The following DNAJC13 variants were observed in gnomAD, a reference collection of about 807,000 sequenced individuals.
DNAJC13 encodes the protein DnaJ heat shock protein family (Hsp40) member C13.
A neutral mutation model predicts 290.5 loss-of-function variants in DNAJC13; 75 were observed. The observed-to-expected ratio is 0.26, with a 90% CI of 0.21 to 0.31. DNAJC13 has a LOEUF of 0.31. Ranked by LOEUF, DNAJC13 falls within the 10% of genes least tolerant of loss-of-function variation. The pLI is 1.00. For missense variants in DNAJC13, 2,260 were observed against 2,674.5 expected (o/e 0.85, Z 3.42); for synonymous variants, 862 against 892.0 (o/e 0.97, Z 0.60).
intron 20 of DNAJC13, among the ~76,000 whole-genome samples, chr3:132,467,640 T>C (rs1274752132): frequency 1.3e-5 from 2 of 151,966 alleles, no homozygotes; most frequent in Non-Finnish European, 1.5e-5. Flanking sequence ...TAATTTTTTG[T>C]ATTTTTAGTA....
At chr3:132,498,398 C>T (rs1300035465) in intron 36 of DNAJC13, among the ~76,000 whole-genome samples, 1 of 152,038 alleles carries the variant, frequency 6.6e-6, no homozygotes, top group Non-Finnish European at 1.5e-5. Flanking sequence ...TAAAGATGTG[C>T]ATATAATTGA....
At chr3:132,417,802 A>C (rs1188936952) in intron 1 of DNAJC13, 42 bp downstream of exon 1, 1 of 152,536 alleles carries the variant, frequency 6.6e-6, no homozygotes, top group Non-Finnish European at 1.5e-5. Context: ...GCTCTGCCTT[A>C]CTCCCTTCCC....
chr3:132,535,019 C>T (rs1173908995), intron 55 of DNAJC13, among the ~76,000 whole-genome samples: 8 of 152,202 alleles, frequency 5.3e-5, no homozygotes, highest in Non-Finnish European at 8.8e-5. Context: ...TACTCCCAAA[C>T]TTCAGAAGAT....
chr3:132,478,276 C>G, intron 24 of DNAJC13, 136 bp downstream of exon 24: 1 of 734,662 alleles, frequency 1.4e-6, no homozygotes, highest in Non-Finnish European at 2.0e-6. Context: ...GTAATTTATA[C>G]TTATTTAAAT....
At chr3:132,511,705 C>T (rs1935783365) in intron 44 of DNAJC13, among the ~76,000 whole-genome samples, 1 of 152,024 alleles carries the variant, frequency 6.6e-6, no homozygotes, top group Non-Finnish European at 1.5e-5. Context: ...TATGAGAGTT[C>T]CTACTCTTAA....
At chr3:132,491,072 T>C (rs775257463) in intron 32 of DNAJC13, 21 bp downstream of exon 32, 4 of 1,566,166 alleles carry the variant, frequency 2.6e-6, no homozygotes, top group Non-Finnish European at 3.4e-6. Flanking sequence ...AGTTGACTGA[T>C]TGATTTGTAT....
intron 55 of DNAJC13, among the ~76,000 whole-genome samples, chr3:132,531,554 T>G (rs1936414421): frequency 6.6e-6 from 1 of 152,182 alleles, no homozygotes. Flanking sequence ...TCCCAGCACT[T>G]TGGGAAGCTG....
chr3:132,453,963 C>T, intron 8 of DNAJC13, 103 bp from the exon 9 acceptor site: 1 of 947,648 alleles, frequency 1.1e-6, no homozygotes, highest in Non-Finnish European at 1.6e-6. Context: ...CAAGTCACAT[C>T]TTAAAATACT....
At chr3:132,501,783 A>G (rs1424733341) in intron 39 of DNAJC13, among the ~76,000 whole-genome samples, 1 of 152,158 alleles carries the variant, frequency 6.6e-6, no homozygotes, top group Non-Finnish European at 1.5e-5. Flanking sequence ...AATTGTCTTG[A>G]ATAAAACAGG....
chr3:132,479,404 AGACAGAAAGTTCTG>A (rs1934592039), intron 25 of DNAJC13, 115 bp downstream of exon 25: 1 of 715,798 alleles, frequency 1.4e-6, no homozygotes, highest in Admixed American at 2.5e-5. Flanking sequence ...TCTCCTTTTT[AGACAGAAAGTTCTG>A]TGTGCTCTAA....
At chr3:132,492,371 A>G (rs1935081521) in intron 32 of DNAJC13, 43 bp from the exon 33 acceptor site, 1 of 1,592,210 alleles carries the variant, frequency 6.3e-7, no homozygotes, top group South Asian at 1.1e-5. Flanking sequence ...TCTCTTTAAA[A>G]TAATACCTCA....
At chr3:132,448,842 G>A (rs927685164) in intron 5 of DNAJC13, among the ~76,000 whole-genome samples, 2 of 152,112 alleles carry the variant, frequency 1.3e-5, no homozygotes, top group Admixed American at 6.6e-5. Flanking sequence ...CAACTGGCGA[G>A]CTGCTTATTT....
intron 2 of DNAJC13, among the ~76,000 whole-genome samples, chr3:132,435,282 C>T (rs1247940612): frequency 1.3e-5 from 2 of 152,126 alleles, no homozygotes; most frequent in Non-Finnish European, 2.9e-5. Flanking sequence ...ATCTGTTGAC[C>T]ATTACAAAAG....
intron 54 of DNAJC13, 22 bp from the exon 55 acceptor site, chr3:132,530,976 A>C: frequency 6.2e-7 from 1 of 1,601,384 alleles, no homozygotes; most frequent in Non-Finnish European, 8.6e-7. Context: ...TTATGTTCAA[A>C]GGGCTTGTTT....
chr3:132,512,108 G>T (rs78677447), intron 44 of DNAJC13, among the ~76,000 whole-genome samples: 1 of 152,100 alleles, frequency 6.6e-6, no homozygotes, highest in Non-Finnish European at 1.5e-5. Flanking sequence ...TCAAAGTGTC[G>T]AATATTACTA....
chr3:132,456,861 C>G lies in DNAJC13; in HGVS notation c.1349+29C>G, dbSNP rs751958152. 1.4e-5 allele frequency: 23 copies of G among 1,606,654 alleles called. No individual in the cohort carries two copies. In the African/African-American group the frequency reaches 1.5e-4, roughly 10 times the overall value. ...AGTTGTCTTCTGAAACTTAACTTCT[C>G]TTAGAGAATTTGAACTACTCAAAAT... On this transcript the variant is annotated intron_variant, in intron 12 of 55. Coordinates refer to ENST00000260818, the MANE Select transcript of DNAJC13 (RefSeq NM_015268.4).
At chr3:132,469,337 T>C (rs967461643) in intron 20 of DNAJC13, among the ~76,000 whole-genome samples, 1 of 152,244 alleles carries the variant, frequency 6.6e-6, no homozygotes, top group Non-Finnish European at 1.5e-5. Context: ...GCATTTCTTA[T>C]ATAGTCAATG....
At chr3:132,511,924 A>G (rs1300748846) in intron 44 of DNAJC13, among the ~76,000 whole-genome samples, 2 of 152,186 alleles carry the variant, frequency 1.3e-5, no homozygotes, top group Non-Finnish European at 2.9e-5. Flanking sequence ...TCTTCTTAGT[A>G]TGTATTAAAG....
intron 48 of DNAJC13, among the ~76,000 whole-genome samples, chr3:132,520,280 C>T (rs1388394124): frequency 6.6e-6 from 1 of 152,176 alleles, no homozygotes; most frequent in Non-Finnish European, 1.5e-5. Context: ...TCAAACAAAA[C>T]TTTATATACG....
Sources: allele counts gnomAD v4.1 joint callset (sites outside exome capture counted in the v4.1 genomes callset), GRCh38; gene constraint gnomAD v4.1.1; transcripts MANE v1.5; gene names NCBI Gene and HGNC (gene_info 2026-07-23, HGNC 2026-07-21).